Variants in NR5A1 observed in about 807,000 individuals in gnomAD.
The protein encoded by NR5A1 is steroidogenic factor 1.
A neutral mutation model predicts 42.7 loss-of-function variants in NR5A1; 6 were observed. That is an observed-to-expected ratio of 0.14 (90% CI 0.08 to 0.28). The LOEUF is 0.28. Ranked by LOEUF, NR5A1 falls within the 10% of genes least tolerant of loss-of-function variation. The probability of loss-of-function intolerance (pLI) is 1.00; values close to 1 mark genes in which losing one functional copy is unlikely to be tolerated. For missense variants in NR5A1, 442 were observed against 626.4 expected (o/e 0.71, Z 3.14); for synonymous variants, 274 against 277.5 (o/e 0.99, Z 0.12).
At position 124,501,887 on chromosome 9, in the gene NR5A1, C is replaced by T. The variant is rs113139906; in HGVS notation, c.245-1172G>A. 7.7e-3 allele frequency among the ~76,000 whole-genome samples: 1,172 copies of T among 152,322 alleles called. 17 individuals carry two copies. The highest frequency in any genetic ancestry group is 0.027 in the African/African-American group (1,122 of 41,570). On this transcript the variant is annotated intron_variant, in intron 3 of 6. Coordinates refer to ENST00000373588, the MANE Select transcript of NR5A1 (RefSeq NM_004959.5). The surrounding 1 kb of genome is among the most constrained non-coding windows in gnomAD (Gnocchi z 4.1). Reference sequence around the variant, plus strand: ...CACACAGTCCAGTGACCGGCCACCTCCAGAAGCTCAAATCTTTCCTGCCAA... The same window carrying T: ...CACACAGTCCAGTGACCGGCCACCTTCAGAAGCTCAAATCTTTCCTGCCAA...
At position 124,503,411 on chromosome 9, in the gene NR5A1, C is replaced by A; in HGVS notation, c.-15-1G>T. On this transcript the variant is annotated splice_acceptor_variant, in intron 1 of 6. Transcript: ENST00000373588. LOFTEE classifies it low-confidence loss of function (5UTR_SPLICE). This position sits in a 1 kb window ranked among gnomAD's most constrained non-coding sequence, Gnocchi z 9.6. ...AATAGTCCATGCCCGCGGCGTCCGC[C>A]TGCGGAGGGACAGCGGGTCAGGGAG... is the stretch of plus-strand genomic sequence containing the variant. The A allele has an allele frequency of 1.3e-6, 2 of 1,598,968 alleles. No individual in the cohort carries two copies. The highest frequency in any genetic ancestry group is 2.3e-5 in the East Asian group (1 of 44,110).
intron 4 of NR5A1, among the ~76,000 whole-genome samples, chr9:124,493,656 G>A (rs977329796): frequency 3.3e-5 from 5 of 152,222 alleles, no homozygotes. Flanking sequence ...GAAACCAAGG[G>A]CTTCCCCCCC....
intron 5 of NR5A1, among the ~76,000 whole-genome samples, chr9:124,492,740 G>A (rs753611794): frequency 6.6e-6 from 1 of 151,992 alleles, no homozygotes; most frequent in Non-Finnish European, 1.5e-5. Context: ...CCAGACCCAG[G>A]GCCACCATCA....
rs1296969314 is a variant in NR5A1 at position 124,482,245 on chromosome 9, G to A, written c.*513C>T. ...TAGCCCCTCTCAATTTAGCAAACTC[G>A]GTTATCCTTAGTTTACAAAACAGAG... On this transcript the variant is annotated 3_prime_UTR_variant, in exon 7 of 7. Transcript: ENST00000373588. The A allele has an allele frequency of 4.9e-6, 1 of 204,340 alleles. No homozygotes were observed. Among genetic ancestry groups the A allele is most frequent in the Non-Finnish European group, 1.0e-5 (1 of 99,848 alleles). 12.7% of individuals were successfully genotyped at this position (204,340 alleles called of 1,614,324 possible). A position where few individuals can be genotyped will look rare whatever the true frequency, so the allele number is the denominator to read the frequency against.
At chr9:124,489,100 A>G (rs554325235) in intron 6 of NR5A1, among the ~76,000 whole-genome samples, 1 of 152,218 alleles carries the variant, frequency 6.6e-6, no homozygotes, top group East Asian at 1.9e-4. Context: ...TCCTGGATTC[A>G]CCCCCGGCAG....
At chr9:124,492,240 TCCCC>T (rs544008431) in intron 5 of NR5A1, among the ~76,000 whole-genome samples, 241 of 122,654 alleles carry the variant, frequency 2.0e-3, no homozygotes, top group African/African-American at 6.9e-3. Flanking sequence ...CTTCTCTGCC[TCCCC>T]CCCTCCCTCT....
intron 6 of NR5A1, 45 bp downstream of exon 6, chr9:124,491,036 C>CCCCCCCCGGGGGGGG: frequency 9.3e-5 from 130 of 1,401,412 alleles, no homozygotes; most frequent in Non-Finnish European, 1.1e-4. Flanking sequence ...CCCACCCACC[C>CCCCCCCCGGGGGGGG]GCCTCTGGCT....
intron 6 of NR5A1, among the ~76,000 whole-genome samples, chr9:124,483,404 G>A (rs899051137): frequency 1.3e-5 from 2 of 152,112 alleles, no homozygotes; most frequent in African/African-American, 4.8e-5. Flanking sequence ...GAACCTCTCG[G>A]TCCCCCATCT....
At position 124,500,293 on chromosome 9, in the gene NR5A1, C is replaced by A. The variant is rs74535046; in HGVS notation, c.667G>T (p.Val223Leu). 2.6e-6 allele frequency: 4 copies of A among 1,568,064 alleles called. No homozygotes were observed. Among genetic ancestry groups the A allele is most frequent in the Non-Finnish European group, 3.5e-6 (4 of 1,156,948 alleles). Reference protein sequence around the residue: ...YPEPFSGGPNVPELILQLLQL... With the variant: ...YPEPFSGGPNLPELILQLLQL... ...AGCAGCTGCAGGATGAGCTCAGGCA[C>A]GTTGGGCCCTCCAGAGAAGGGCTCT... The change falls in exon 4 of 7, where the codon GTG becomes TTG. Residue 223 changes from valine to leucine, a missense_variant. Transcript: ENST00000373588. The surrounding 1 kb of genome is among the most constrained non-coding windows in gnomAD (Gnocchi z 6.9).
intron 1 of NR5A1, among the ~76,000 whole-genome samples, chr9:124,504,161 A>G (rs1311426582): frequency 6.6e-6 from 1 of 152,202 alleles, no homozygotes; most frequent in Non-Finnish European, 1.5e-5. Flanking sequence ...GCAGAGCCAG[A>G]GACACAACGA....
chr9:124,484,390 G>A (rs916465979), intron 6 of NR5A1, among the ~76,000 whole-genome samples: 8 of 152,258 alleles, frequency 5.3e-5, no homozygotes, highest in East Asian at 3.9e-4. Context: ...GGGACTGAGC[G>A]GAAAACAAAA....
chr9:124,499,806 T>C (rs895165710), intron 4 of NR5A1, among the ~76,000 whole-genome samples: 3 of 151,064 alleles, frequency 2.0e-5, no homozygotes, highest in African/African-American at 4.9e-5. Flanking sequence ...AGAGACAACA[T>C]GCAAGGGAGA....
chr9:124,506,928 G>C (rs1212372217), intron 1 of NR5A1: 1 of 152,786 alleles, frequency 6.5e-6, no homozygotes, highest in Non-Finnish European at 1.5e-5. Context: ...CCCAAGACAG[G>C]CCCAGAGCCC....
At chr9:124,491,032 C>T (rs550666501) in intron 6 of NR5A1, 49 bp downstream of exon 6, 6 of 1,258,244 alleles carry the variant, frequency 4.8e-6, no homozygotes, top group South Asian at 1.3e-5. Flanking sequence ...CCCTCCCACC[C>T]ACCCGCCTCT....
intron 6 of NR5A1, among the ~76,000 whole-genome samples, chr9:124,484,136 T>C (rs939195774): frequency 2.0e-5 from 3 of 152,202 alleles, no homozygotes; most frequent in Non-Finnish European, 4.4e-5. Flanking sequence ...CTGAACACCA[T>C]GCTGAAAACG....
In NR5A1 at chr9:124,496,171, C is replaced by T. The variant is rs1263354805; in HGVS notation, c.871-3022G>A. ...ACCAAACTCCAAAACACTCCCCACA[C>T]AGATGAGAATGCGCACACACACACA... On this transcript the variant is annotated intron_variant, in intron 4 of 6. Transcript: ENST00000373588. The surrounding 1 kb of genome is among the most constrained non-coding windows in gnomAD (Gnocchi z 5.0). Among the ~76,000 whole-genome samples, 1 of 150,392 alleles carries T rather than the reference C, an allele frequency of 6.6e-6. No individual in the cohort carries two copies. The highest frequency in any genetic ancestry group is 2.5e-5 in the African/African-American group (1 of 39,864).
intron 6 of NR5A1, among the ~76,000 whole-genome samples, chr9:124,487,704 G>T (rs1255368476): frequency 6.6e-6 from 1 of 152,240 alleles, no homozygotes; most frequent in East Asian, 1.9e-4. Flanking sequence ...CCCCCGAGGG[G>T]GACGCCCTGC....
In NR5A1 at chr9:124,496,184, GCACACA is replaced by G. The variant is rs59598562; in HGVS notation, c.871-3041_871-3036del. Among the ~76,000 whole-genome samples, 14 of 148,044 alleles carry G rather than the reference GCACACA, an allele frequency of 9.5e-5. No homozygotes were observed. The highest frequency in any genetic ancestry group is 3.5e-4 in the African/African-American group (14 of 40,412). ...ACACTCCCCACACAGATGAGAATGCGCACACACACACACACACACACACAACCTCTT... is the reference window on the plus strand; with the variant it reads ...ACACTCCCCACACAGATGAGAATGCGCACACACACACACACACAACCTCTT... On this transcript the variant is annotated intron_variant, in intron 4 of 6. Coordinates refer to ENST00000373588, the MANE Select transcript of NR5A1 (RefSeq NM_004959.5). This position sits in a 1 kb window ranked among gnomAD's most constrained non-coding sequence, Gnocchi z 5.0.
At chr9:124,490,521 C>T (rs1300115961) in intron 6 of NR5A1, among the ~76,000 whole-genome samples, 1 of 152,158 alleles carries the variant, frequency 6.6e-6, no homozygotes, top group African/African-American at 2.4e-5. Flanking sequence ...TCTTTTCCTC[C>T]TTAGCACTGG....
Sources: gnomAD v4.1 joint callset for allele counts (sites outside exome capture counted in the v4.1 genomes callset) on GRCh38, gnomAD v4.1.1 for gene constraint, Gnocchi (gnomAD v3.1) non-coding constraint, MANE v1.5 for transcripts, NCBI Gene and HGNC (gene_info 2026-07-23, HGNC 2026-07-21) for gene names.